The following TMEM132B variants were observed in gnomAD, a reference collection of about 807,000 sequenced individuals.
TMEM132B encodes transmembrane protein 132B.
A neutral mutation model predicts 90.8 loss-of-function variants in TMEM132B; 18 were observed. The observed-to-expected ratio is 0.20, with a 90% CI of 0.14 to 0.29. The LOEUF (loss-of-function observed/expected upper bound fraction) is 0.29, where lower values mean the gene tolerates loss of function less well. Ranked by LOEUF, TMEM132B falls within the 10% of genes least tolerant of loss-of-function variation. The pLI, the probability that TMEM132B is intolerant of heterozygous loss-of-function variation, is 1.00. For missense variants in TMEM132B, 1,096 were observed against 1,326.8 expected (o/e 0.83, Z 2.70); for synonymous variants, 504 against 523.3 (o/e 0.96, Z 0.50).
chr12:125,454,214 G>A (rs1277127602), intron 3 of TMEM132B, among the ~76,000 whole-genome samples: 1 of 152,116 alleles, frequency 6.6e-6, no homozygotes, highest in Non-Finnish European at 1.5e-5. Context: ...ACTGTAGCCT[G>A]GCTTCAGTCT....
Position 125,239,937 on chromosome 12 carries a change from C to T in TMEM132B, c.67+53071C>T, listed in dbSNP as rs573476771. Among the ~76,000 whole-genome samples the T allele has an allele frequency of 8.5e-5, 13 of 152,320 alleles. 1 individual carries two copies. In the South Asian group the frequency reaches 2.7e-3, roughly 32 times the overall value. On this transcript the variant is annotated intron_variant, in intron 1 of 8. Transcript: ENST00000682704. ...CTTGATTGTAGTGGCTGCCTTATTG[C>T]AGTGGCTTCCAGATGGTGGTTGTGG...
intron 5 of TMEM132B, among the ~76,000 whole-genome samples, chr12:125,606,658 A>C (rs1201967925): frequency 2.0e-5 from 3 of 152,166 alleles, no homozygotes; most frequent in African/African-American, 7.2e-5. Context: ...TTCCATAACC[A>C]ATGTTGTCAG....
chr12:125,420,950 G>A (rs1355212648), intron 3 of TMEM132B, among the ~76,000 whole-genome samples: 1 of 152,140 alleles, frequency 6.6e-6, no homozygotes, highest in African/African-American at 2.4e-5. Context: ...GGGGCAAAAT[G>A]CCACCAGTCT....
intron 3 of TMEM132B, among the ~76,000 whole-genome samples, chr12:125,426,595 G>A (rs1232696220): frequency 1.3e-5 from 2 of 152,198 alleles, no homozygotes; most frequent in African/African-American, 4.8e-5. Context: ...CTATGTCCCT[G>A]GCAACATGCA....
intron 1 of TMEM132B, among the ~76,000 whole-genome samples, chr12:125,216,225 C>A (rs1218169890): frequency 1.3e-5 from 2 of 152,176 alleles, no homozygotes; most frequent in Admixed American, 6.5e-5. Context: ...GGTGAGGGCT[C>A]CCTTCCTGGC....
At chr12:125,505,166 CAAAA>C (rs71306287) in intron 3 of TMEM132B, among the ~76,000 whole-genome samples, 1 of 28,592 alleles carries the variant, frequency 3.5e-5, no homozygotes, top group Non-Finnish European at 7.1e-5. Flanking sequence ...CACCAGAGGA[CAAAA>C]AAAAAAAAAA....
At chr12:125,613,162 TTATA>T (rs1165717269) in intron 5 of TMEM132B, among the ~76,000 whole-genome samples, 4 of 124,200 alleles carry the variant, frequency 3.2e-5, no homozygotes, top group Non-Finnish European at 6.4e-5. Flanking sequence ...TCATATATAT[TTATA>T]TATTATATAT....
chr12:125,556,540 T>C (rs1884392241), intron 4 of TMEM132B, among the ~76,000 whole-genome samples: 1 of 152,166 alleles, frequency 6.6e-6, no homozygotes. Flanking sequence ...AATTACCCCA[T>C]TTTTAGATGA....
In TMEM132B at chr12:125,640,440, A is replaced by C. The variant is rs556591692; in HGVS notation, c.1438-3636A>C. On this transcript the variant is annotated intron_variant, in intron 5 of 8. Coordinates refer to ENST00000682704, the MANE Select transcript of TMEM132B (RefSeq NM_001366854.1). ...CAGAAGACCATGGCATGGCCTTGGGATGGGGCTAAGCCTAGGAGAGCTCAG... is the reference window on the plus strand; with the variant it reads ...CAGAAGACCATGGCATGGCCTTGGGCTGGGGCTAAGCCTAGGAGAGCTCAG... Among the ~76,000 whole-genome samples, 8 of 152,278 alleles carry C rather than the reference A, an allele frequency of 5.3e-5. No individual in the cohort carries two copies. The East Asian group carries it at 1.4e-3, about 26-fold the overall frequency.
chr12:125,455,890 A>G (rs1475904076), intron 3 of TMEM132B, among the ~76,000 whole-genome samples: 1 of 152,094 alleles, frequency 6.6e-6, no homozygotes, highest in Non-Finnish European at 1.5e-5. Flanking sequence ...GTGATTCTGG[A>G]GTAAAGAGAT....
At chr12:125,268,244 T>C (rs1874742554) in intron 1 of TMEM132B, among the ~76,000 whole-genome samples, 1 of 152,220 alleles carries the variant, frequency 6.6e-6, no homozygotes, top group African/African-American at 2.4e-5. Context: ...TCACCTTCTC[T>C]GGAGGGGAGT....
chr12:125,637,813 G>A (rs1886524402), intron 5 of TMEM132B, among the ~76,000 whole-genome samples: 1 of 152,150 alleles, frequency 6.6e-6, no homozygotes, highest in African/African-American at 2.4e-5. Context: ...AAACCAATCT[G>A]TGGTGACGAA....
At chr12:125,236,064 A>G (rs913469901) in intron 1 of TMEM132B, among the ~76,000 whole-genome samples, 4 of 151,958 alleles carry the variant, frequency 2.6e-5, no homozygotes, top group African/African-American at 9.7e-5. Flanking sequence ...TAGCCTTCCA[A>G]AGTGCTGGGA....
chr12:125,218,206 GGGATGGGAGGTGATAAT>G, intron 1 of TMEM132B, among the ~76,000 whole-genome samples: 1 of 152,236 alleles, frequency 6.6e-6, no homozygotes, highest in Admixed American at 6.5e-5. Context: ...TGGGGGACAA[GGGATGGGAGGTGATAAT>G]GTTGTATGGT....
Position 125,408,844 on chromosome 12 carries a change from C to T in TMEM132B, c.960-6687C>T, listed in dbSNP as rs116375664. ...ATTACACTCATTCCAGCAATGTTCA[C>T]GAGTCCCAGTCACTCCATGACCAGG... On this transcript the variant is annotated intron_variant, in intron 2 of 8. Coordinates refer to ENST00000682704, the MANE Select transcript of TMEM132B (RefSeq NM_001366854.1). This position sits in a 1 kb window ranked among gnomAD's most constrained non-coding sequence, Gnocchi z 5.9. Among the ~76,000 whole-genome samples, 741 of 152,242 alleles carry T rather than the reference C, an allele frequency of 4.9e-3. 4 individuals are homozygous for T. The highest frequency in any genetic ancestry group is 0.017 in the African/African-American group (710 of 41,540).
chr12:125,594,522 TC>T (rs1307838383), intron 5 of TMEM132B, among the ~76,000 whole-genome samples: 2 of 152,208 alleles, frequency 1.3e-5, no homozygotes, highest in African/African-American at 4.8e-5. Flanking sequence ...TCCTGTTACC[TC>T]CACATCTTGG....
At chr12:125,271,638 A>G (rs1211666302) in intron 1 of TMEM132B, among the ~76,000 whole-genome samples, 1 of 152,154 alleles carries the variant, frequency 6.6e-6, no homozygotes, top group Non-Finnish European at 1.5e-5. Context: ...ACAGTTTTGA[A>G]TTGCAAACCT....
In TMEM132B at chr12:125,658,099, G is replaced by T. The variant is rs1169512877; in HGVS notation, c.*3389G>T. 6.6e-6 allele frequency: 1 copy of T among 152,220 alleles called. No individual in the cohort carries two copies. The highest frequency in any genetic ancestry group is 2.4e-5 in the African/African-American group (1 of 41,460). 9.4% of individuals were successfully genotyped at this position (152,220 alleles called of 1,614,324 possible). On this transcript the variant is annotated 3_prime_UTR_variant, in exon 9 of 9. Transcript: ENST00000682704. ...ATGTGTCCCAAGAGAAGGAATAATT[G>T]TCTTTCTAGCTGTTATATATTGCAC...
intron 4 of TMEM132B, among the ~76,000 whole-genome samples, chr12:125,532,155 T>C (rs1029118047): frequency 6.6e-6 from 1 of 152,184 alleles, no homozygotes; most frequent in African/African-American, 2.4e-5. Context: ...CCTGCCTCTA[T>C]TTGGGAAAAC....
Sources: allele counts gnomAD v4.1 joint callset (sites outside exome capture counted in the v4.1 genomes callset), GRCh38; gene constraint gnomAD v4.1.1; non-coding constraint Gnocchi (gnomAD v3.1); transcripts MANE v1.5; gene names NCBI Gene and HGNC (gene_info 2026-07-23, HGNC 2026-07-21).